Variants in SELENOT observed in about 807,000 individuals in gnomAD.
SELENOT encodes the protein selenoprotein T, also known as thioredoxin reductase-like selenoprotein T.
SELENOT carries 9 observed loss-of-function variants against 24.3 expected under a neutral mutation model. That is an observed-to-expected ratio of 0.37 (90% CI 0.22 to 0.65). SELENOT has a LOEUF of 0.65. Ranked by LOEUF, SELENOT falls within the 30% of genes least tolerant of loss-of-function variation. SELENOT has a pLI of 0.60. For synonymous variants in SELENOT, 81 were observed against 86.0 expected (o/e 0.94, Z 0.32); for missense variants, 166 against 247.6 (o/e 0.67, Z 2.21).
intron 1 of SELENOT, chr3:150,611,796 C>T (rs892088728): frequency 2.8e-6 from 3 of 1,060,842 alleles, no homozygotes; most frequent in East Asian, 2.5e-5. Context: ...CCCTCAGCCC[C>T]GATTTCCCGG....
chr3:150,617,439 A>G (rs1726242396), intron 1 of SELENOT, among the ~76,000 whole-genome samples: 1 of 152,216 alleles, frequency 6.6e-6, no homozygotes, highest in South Asian at 2.1e-4. Context: ...CATCTCAACA[A>G]AAAATTTAAA....
At chr3:150,619,692 G>T (rs1726297708) in intron 1 of SELENOT, among the ~76,000 whole-genome samples, 1 of 152,202 alleles carries the variant, frequency 6.6e-6, no homozygotes, top group South Asian at 2.1e-4. Flanking sequence ...GACCCAAAAA[G>T]AGTGGAATAA....
intron 1 of SELENOT, among the ~76,000 whole-genome samples, chr3:150,615,668 A>C (rs2108009774): frequency 6.6e-6 from 1 of 152,284 alleles, no homozygotes; most frequent in East Asian, 1.9e-4. Flanking sequence ...CTTCAAGGAG[A>C]ACTACAAACC....
rs1726528068 is a variant in SELENOT at position 150,630,204 on chromosome 3, CT to C, written c.*2581del. The C allele has an allele frequency of 6.6e-6, 1 of 152,106 alleles. No individual in the cohort carries two copies. The highest frequency in any genetic ancestry group is 6.6e-5 in the Admixed American group (1 of 15,266). The allele number at this position is 152,106 out of a possible 1,614,324, so 9.4% of individuals were successfully genotyped here. A position where few individuals can be genotyped will look rare whatever the true frequency, so the allele number is the denominator to read the frequency against. On this transcript the variant is annotated 3_prime_UTR_variant, in exon 6 of 6. Transcript: ENST00000471696. ...ATATAATGAGATCCCAATGATGATT[CT>C]TTTTTACTTTGAATGTTAATTAGTT...
At chr3:150,619,146 G>T (rs1030760917) in intron 1 of SELENOT, among the ~76,000 whole-genome samples, 6 of 151,676 alleles carry the variant, frequency 4.0e-5, no homozygotes, top group African/African-American at 1.5e-4. Flanking sequence ...GCGTGAACCC[G>T]GGAGGCGGAG....
intron 1 of SELENOT, 149 bp from the exon 2 acceptor site, chr3:150,622,236 T>C (rs1295444664): frequency 2.5e-6 from 1 of 403,672 alleles, no homozygotes; most frequent in Non-Finnish European, 4.6e-6. Flanking sequence ...AAAAACTCAA[T>C]GTATTTGTCA....
chr3:150,605,046 A>AG (rs1725929735), intron 1 of SELENOT, among the ~76,000 whole-genome samples: 5 of 151,970 alleles, frequency 3.3e-5, no homozygotes, highest in African/African-American at 1.2e-4. Flanking sequence ...TCAAAAAAAA[A>AG]AAAAAAAACC....
rs1389615746 is a variant in SELENOT at position 150,628,846 on chromosome 3, A to G, written c.*1217A>G. 6.6e-6 allele frequency: 1 copy of G among 152,208 alleles called. No individual in the cohort carries two copies. Among genetic ancestry groups the G allele is most frequent in the Non-Finnish European group, 1.5e-5 (1 of 68,024 alleles). The allele number at this position is 152,208 out of a possible 1,614,324, so 9.4% of individuals were successfully genotyped here. On this transcript the variant is annotated 3_prime_UTR_variant, in exon 6 of 6. Transcript: ENST00000471696. ...GCTTCCATATAGGAATAGAAGTGGT[A>G]GAGCCAAAAGTGATTTAGGAAAAGT...
At chr3:150,611,122 C>A in intron 1 of SELENOT, 2 of 517,432 alleles carry the variant, frequency 3.9e-6, no homozygotes, top group South Asian at 2.7e-5. Context: ...CATGAGTTTC[C>A]AACTAATTAT....
intron 4 of SELENOT, 166 bp from the exon 5 acceptor site, chr3:150,626,844 T>C: frequency 1.6e-6 from 1 of 618,342 alleles, no homozygotes; most frequent in Non-Finnish European, 2.8e-6. Context: ...GTAGTTCTTT[T>C]GACATTTCCC....
chr3:150,613,375 A>G (rs1240824465), intron 1 of SELENOT, among the ~76,000 whole-genome samples: 1 of 152,220 alleles, frequency 6.6e-6, no homozygotes, highest in Non-Finnish European at 1.5e-5. Context: ...TACATAGCAC[A>G]ACATACTTGT....
In SELENOT at chr3:150,611,628, A is replaced by G. The variant is rs1270678092; in HGVS notation, c.137+8129A>G. On this transcript the variant is annotated intron_variant, in intron 1 of 5. Transcript: ENST00000471696. The stretch of plus-strand genomic sequence containing the variant: ...TGCGCTCTTATCCAGCTCGATCTTC[A>G]CCTTCTGGGATATGCTCTTCTGGAT... 3.2e-6 allele frequency: 5 copies of G among 1,557,804 alleles called. No homozygotes were observed. The African/African-American group carries it at 6.8e-5, about 21-fold the overall frequency.
At chr3:150,610,121 C>G (rs1726056657) in intron 1 of SELENOT, among the ~76,000 whole-genome samples, 1 of 152,172 alleles carries the variant, frequency 6.6e-6, no homozygotes, top group Non-Finnish European at 1.5e-5. Flanking sequence ...TGAAACCCAA[C>G]TGTTTTACTT....
chr3:150,606,083 A>G (rs1431799854), intron 1 of SELENOT, among the ~76,000 whole-genome samples: 1 of 151,036 alleles, frequency 6.6e-6, no homozygotes, highest in East Asian at 1.9e-4. Flanking sequence ...GTGCTGAGAG[A>G]TCAAGCTTGT....
At position 150,630,378 on chromosome 3, in the gene SELENOT, T is replaced by TTGTAAAGTTTGGGGA. The variant is rs1726533348; in HGVS notation, c.*2750_*2764dup. ...TCTTTTTGAGAGAAACAAATGAGGATTGTAAAGTTTGGGGACTTACCTCTG... is the reference window on the plus strand; with the variant it reads ...TCTTTTTGAGAGAAACAAATGAGGATTGTAAAGTTTGGGGATGTAAAGTTTGGGGACTTACCTCTG... On this transcript the variant is annotated 3_prime_UTR_variant, in exon 6 of 6. Coordinates refer to ENST00000471696, the MANE Select transcript of SELENOT (RefSeq NM_016275.5). 1 of 152,186 alleles carries TTGTAAAGTTTGGGGA rather than the reference T, an allele frequency of 6.6e-6. No homozygotes were observed. Among genetic ancestry groups the TTGTAAAGTTTGGGGA allele is most frequent in the Admixed American group, 6.5e-5 (1 of 15,276 alleles). 9.4% of individuals were successfully genotyped at this position (152,186 alleles called of 1,614,324 possible). A position where few individuals can be genotyped will look rare whatever the true frequency, so the allele number is the denominator to read the frequency against.
intron 1 of SELENOT, among the ~76,000 whole-genome samples, chr3:150,621,276 C>T (rs545179220): frequency 6.6e-6 from 1 of 152,054 alleles, no homozygotes; most frequent in Non-Finnish European, 1.5e-5. Context: ...CACACCCCCC[C>T]CAAAAAACAC....
chr3:150,627,261 AT>A, intron 5 of SELENOT, 98 bp downstream of exon 5: 1 of 948,270 alleles, frequency 1.1e-6, no homozygotes, highest in East Asian at 2.6e-5. Flanking sequence ...TGAGTTTCCA[AT>A]TTAAGATTAA....
chr3:150,616,076 C>T (rs1726205965), intron 1 of SELENOT, among the ~76,000 whole-genome samples: 1 of 149,120 alleles, frequency 6.7e-6, no homozygotes. Context: ...CTTTGACAAA[C>T]CTGAGAAAAA....
At chr3:150,622,894 AAC>A (rs1190601464) in intron 2 of SELENOT, 147 bp from the exon 3 acceptor site, 4 of 579,194 alleles carry the variant, frequency 6.9e-6, no homozygotes, top group East Asian at 7.1e-5. Context: ...TTTTTGTTTT[AAC>A]ACTGCACAAT....
Sources: gnomAD v4.1 joint callset for allele counts (sites outside exome capture counted in the v4.1 genomes callset) on GRCh38, gnomAD v4.1.1 for gene constraint, MANE v1.5 for transcripts, NCBI Gene and HGNC (gene_info 2026-07-23, HGNC 2026-07-21) for gene names.